NECAB1: variants seen among roughly 807,000 people sequenced by gnomAD.
The protein encoded by NECAB1 is N-terminal EF-hand calcium-binding protein 1.
In NECAB1, 29 loss-of-function variants were observed where a neutral mutation model predicts 57.5. That is an observed-to-expected ratio of 0.50 (90% CI 0.38 to 0.69). NECAB1 has a LOEUF of 0.69. Among genes scored for constraint, NECAB1 ranks in the 30% least tolerant of loss-of-function variants. NECAB1 has a pLI of 0.00. For missense variants in NECAB1, 372 were observed against 413.8 expected (o/e 0.90, Z 0.88); for synonymous variants, 142 against 147.7 (o/e 0.96, Z 0.28).
chr8:90,868,289 A>G (rs967351411), intron 3 of NECAB1, among the ~76,000 whole-genome samples: 4 of 152,218 alleles, frequency 2.6e-5, no homozygotes, highest in African/African-American at 9.6e-5. Context: ...GAAAATTGGT[A>G]ATAGAGAAGT....
chr8:90,914,273 T>C (rs1809898514), intron 5 of NECAB1, among the ~76,000 whole-genome samples: 1 of 152,110 alleles, frequency 6.6e-6, no homozygotes, highest in Non-Finnish European at 1.5e-5. Context: ...CTACATCCTA[T>C]GAAAAATTCT....
At chr8:90,906,889 A>ATGTATATATATATATATATATATATATG (rs1370948313) in intron 5 of NECAB1, among the ~76,000 whole-genome samples, 1 of 72,856 alleles carries the variant, frequency 1.4e-5, no homozygotes, top group African/African-American at 5.7e-5. Flanking sequence ...ATATATATAT[A>ATGTATATATATATATATATATATATATG]TATATATATA....
intron 3 of NECAB1, among the ~76,000 whole-genome samples, chr8:90,851,445 G>C (rs535572283): frequency 6.6e-6 from 1 of 152,180 alleles, no homozygotes; most frequent in African/African-American, 2.4e-5. Context: ...TGTGGAGTTT[G>C]CCTAAACTCC....
intron 7 of NECAB1, among the ~76,000 whole-genome samples, chr8:90,927,150 T>C (rs1810291746): frequency 6.6e-6 from 1 of 151,956 alleles, no homozygotes; most frequent in Admixed American, 6.6e-5. Context: ...AAAACATAAA[T>C]TTTATTAGTA....
chr8:90,807,210 T>C (rs1296949596), intron 2 of NECAB1, among the ~76,000 whole-genome samples: 1 of 152,226 alleles, frequency 6.6e-6, no homozygotes, highest in Non-Finnish European at 1.5e-5. Flanking sequence ...AAAATAATGT[T>C]GGCAATGAAA....
chr8:90,913,379 C>T (rs865956137), intron 5 of NECAB1, among the ~76,000 whole-genome samples: 6 of 151,546 alleles, frequency 4.0e-5, no homozygotes, highest in Admixed American at 3.9e-4. Context: ...TATCATGACA[C>T]GAATGAACAT....
intron 2 of NECAB1, among the ~76,000 whole-genome samples, chr8:90,804,745 C>A (rs1190330004): frequency 2.0e-5 from 3 of 152,196 alleles, no homozygotes; most frequent in Admixed American, 2.0e-4. Flanking sequence ...TTTCATCCCA[C>A]CTTACTCTTC....
At chr8:90,923,970 C>T (rs559069168) in intron 6 of NECAB1, among the ~76,000 whole-genome samples, 5 of 152,164 alleles carry the variant, frequency 3.3e-5, no homozygotes, top group African/African-American at 1.2e-4. Flanking sequence ...GAAAAATAGT[C>T]AGAATTGGAA....
intron 3 of NECAB1, among the ~76,000 whole-genome samples, chr8:90,837,656 T>A (rs1812390396): frequency 6.6e-6 from 1 of 152,198 alleles, no homozygotes; most frequent in East Asian, 1.9e-4. Flanking sequence ...ATAGGGACAA[T>A]TACAATTTGA....
chr8:90,948,171 T>C (rs1327112958), intron 10 of NECAB1, among the ~76,000 whole-genome samples: 1 of 152,204 alleles, frequency 6.6e-6, no homozygotes, highest in Admixed American at 6.5e-5. Context: ...CTATAGATTC[T>C]CTTCCTAGGA....
chr8:90,868,498 G>A (rs1808560042), intron 3 of NECAB1, among the ~76,000 whole-genome samples: 1 of 152,112 alleles, frequency 6.6e-6, no homozygotes, highest in Admixed American at 6.5e-5. Context: ...GATGGAGATG[G>A]GAACTGGATA....
At chr8:90,904,134 G>A (rs1809576568) in intron 5 of NECAB1, among the ~76,000 whole-genome samples, 1 of 152,128 alleles carries the variant, frequency 6.6e-6, no homozygotes, top group Non-Finnish European at 1.5e-5. Context: ...CTCAAGCCAA[G>A]AATTTAATTT....
intron 7 of NECAB1, among the ~76,000 whole-genome samples, chr8:90,927,818 T>TTTTTTTTTTTTTTTTTTTTGAGA (rs1224556532): frequency 1.3e-5 from 2 of 150,566 alleles, no homozygotes; most frequent in African/African-American, 4.9e-5. Flanking sequence ...TTTTTTTTTA[T>TTTTTTTTTTTTTTTTTTTTGAGA]CGTAGCAATT....
chr8:90,921,533 T>A (rs1051110334), intron 6 of NECAB1, among the ~76,000 whole-genome samples: 2 of 151,920 alleles, frequency 1.3e-5, no homozygotes, highest in African/African-American at 4.8e-5. Flanking sequence ...TAGCCCGGCA[T>A]GGTGGTGGCA....
At chr8:90,918,256 C>G (rs1810026066) in intron 6 of NECAB1, among the ~76,000 whole-genome samples, 1 of 151,712 alleles carries the variant, frequency 6.6e-6, no homozygotes, top group South Asian at 2.1e-4. Flanking sequence ...AGATGATCCA[C>G]CCATCTTGGC....
chr8:90,874,779 A>G (rs1189411383), intron 4 of NECAB1, among the ~76,000 whole-genome samples: 1 of 152,194 alleles, frequency 6.6e-6, no homozygotes, highest in African/African-American at 2.4e-5. Context: ...ATTCTCATAT[A>G]CATTATTCTC....
intron 11 of NECAB1, 82 bp downstream of exon 11, chr8:90,949,966 G>C (rs375058585): frequency 4.8e-6 from 4 of 831,340 alleles, no homozygotes; most frequent in Non-Finnish European, 5.8e-6. Flanking sequence ...TTGTAGGAAA[G>C]TTCCATTCTC....
chr8:90,861,198 A>G (rs1211516274), intron 3 of NECAB1, among the ~76,000 whole-genome samples: 1 of 152,152 alleles, frequency 6.6e-6, no homozygotes, highest in Non-Finnish European at 1.5e-5. Context: ...ATCCTCTACA[A>G]TGTCTCCCTT....
Position 90,949,838 on chromosome 8 carries a change from C to T in NECAB1, c.892C>T (p.Arg298Cys), listed in dbSNP as rs750780450. ...TATACAGAAGCTTTCAAATGAATCT[C>T]GCTACATGATCTATGAGTTCTGGGA... Reference protein sequence around the residue: ...ISIQKLSNESRYMIYEFWENS... With the variant: ...ISIQKLSNESCYMIYEFWENS... Residue 298 changes from arginine (R) to cysteine (C), a missense_variant, in exon 11 of 13, where the codon CGC (arginine) becomes TGC (cysteine). Arg to Cys is a radical substitution (Grantham distance 180, BLOSUM62 -3). Coordinates refer to ENST00000417640, the MANE Select transcript of NECAB1 (RefSeq NM_022351.5). The T allele has an allele frequency of 4.4e-6, 7 of 1,608,254 alleles. No homozygotes were observed. Among genetic ancestry groups the T allele is most frequent in the South Asian group, 2.2e-5 (2 of 90,254 alleles).
Sources: gnomAD v4.1 joint callset for allele counts (sites outside exome capture counted in the v4.1 genomes callset) on GRCh38, gnomAD v4.1.1 for gene constraint, MANE v1.5 for transcripts, NCBI Gene and HGNC (gene_info 2026-07-23, HGNC 2026-07-21) for gene names.